The following VPS13B variants were observed in gnomAD, a reference collection of about 807,000 sequenced individuals.
VPS13B encodes intermembrane lipid transfer protein VPS13B.
A neutral mutation model predicts 426.4 loss-of-function variants in VPS13B; 285 were observed. That is an observed-to-expected ratio of 0.67 (90% CI 0.61 to 0.74). The LOEUF is 0.74. Ranked by LOEUF, VPS13B falls within the 30% of genes least tolerant of loss-of-function variation. VPS13B has a pLI of 0.00. For synonymous variants in VPS13B, 1,676 were observed against 1,676.4 expected, an observed-to-expected ratio of 1.00 and a Z score of 0.01; for missense variants, 4,537 against 4,782.6, an observed-to-expected ratio of 0.95 and a Z score of 1.51.
intron 34 of VPS13B, among the ~76,000 whole-genome samples, chr8:99,659,587 A>T (rs1477577518): frequency 1.3e-5 from 2 of 152,210 alleles, no homozygotes; most frequent in African/African-American, 4.8e-5. Flanking sequence ...TTCTAGAAAA[A>T]TGTAGAAAGT....
intron 16 of VPS13B, among the ~76,000 whole-genome samples, chr8:99,190,336 A>G (rs984259817): frequency 6.6e-6 from 1 of 150,488 alleles, no homozygotes; most frequent in African/African-American, 2.4e-5. Context: ...GTGGATATAT[A>G]TGGGTCTTTT....
intron 17 of VPS13B, among the ~76,000 whole-genome samples, chr8:99,220,082 A>T (rs1050233323): frequency 3.3e-5 from 5 of 152,202 alleles, no homozygotes; most frequent in Non-Finnish European, 5.9e-5. Flanking sequence ...AAAAAAGTGT[A>T]AGAATTGGTA....
chr8:99,356,019 C>T (rs923999884), intron 19 of VPS13B, among the ~76,000 whole-genome samples: 1 of 152,138 alleles, frequency 6.6e-6, no homozygotes, highest in Admixed American at 6.5e-5. Context: ...CACGTCATAT[C>T]ATTGTATCTG....
At chr8:99,654,018 G>GGATGAT (rs200076337) in intron 34 of VPS13B, among the ~76,000 whole-genome samples, 5 of 150,616 alleles carry the variant, frequency 3.3e-5, no homozygotes, top group African/African-American at 1.2e-4. Context: ...TCCTGACATT[G>GGATGAT]GATGATGATG....
chr8:99,107,035 A>G (rs558965314), intron 5 of VPS13B, among the ~76,000 whole-genome samples: 1 of 152,334 alleles, frequency 6.6e-6, no homozygotes, highest in African/African-American at 2.4e-5. Flanking sequence ...TCTGTTGGGT[A>G]TATGCCTAGG....
chr8:99,652,616 CA>C (rs1277883445), intron 34 of VPS13B, among the ~76,000 whole-genome samples: 1 of 151,682 alleles, frequency 6.6e-6, no homozygotes, highest in Non-Finnish European at 1.5e-5. Flanking sequence ...AGTAAACGAA[CA>C]GTTGAAAAAT....
intron 31 of VPS13B, among the ~76,000 whole-genome samples, chr8:99,559,644 C>A (rs756856892): frequency 6.6e-6 from 1 of 152,158 alleles, no homozygotes; most frequent in Non-Finnish European, 1.5e-5. Flanking sequence ...GTTTTCCCAG[C>A]ACCATTTATT....
intron 19 of VPS13B, among the ~76,000 whole-genome samples, chr8:99,358,707 C>G (rs1405191058): frequency 1.3e-5 from 2 of 152,148 alleles, no homozygotes; most frequent in Non-Finnish European, 2.9e-5. Flanking sequence ...GAATAGCAGA[C>G]AGTTATGAGA....
At chr8:99,523,112 T>C (rs532250310) in intron 30 of VPS13B, among the ~76,000 whole-genome samples, 6 of 152,264 alleles carry the variant, frequency 3.9e-5, no homozygotes, top group Non-Finnish European at 5.9e-5. Flanking sequence ...AGTATATTAG[T>C]GGTTGCCAGG....
At chr8:99,477,664 G>C (rs920538254) in intron 24 of VPS13B, among the ~76,000 whole-genome samples, 7 of 152,198 alleles carry the variant, frequency 4.6e-5, no homozygotes, top group African/African-American at 1.7e-4. Flanking sequence ...TGCCTAGATA[G>C]AGTACCTTCA....
chr8:99,430,061 A>G (rs191655378), intron 21 of VPS13B, among the ~76,000 whole-genome samples: 8 of 152,302 alleles, frequency 5.3e-5, no homozygotes, highest in South Asian at 2.1e-4. Context: ...TCTGACTACT[A>G]TAATGCTCTG....
intron 35 of VPS13B, among the ~76,000 whole-genome samples, chr8:99,693,314 G>A (rs1269667457): frequency 2.7e-5 from 4 of 150,160 alleles, no homozygotes; most frequent in South Asian, 2.1e-4. Flanking sequence ...CTGGCAAACC[G>A]AATCCAGCAG....
At chr8:99,713,630 C>G (rs576104948) in intron 36 of VPS13B, among the ~76,000 whole-genome samples, 1 of 152,260 alleles carries the variant, frequency 6.6e-6, no homozygotes, top group African/African-American at 2.4e-5. Context: ...GCTATACATA[C>G]ATATACTTCT....
At chr8:99,289,477 G>A (rs745719912) in intron 19 of VPS13B, among the ~76,000 whole-genome samples, 2 of 152,058 alleles carry the variant, frequency 1.3e-5, no homozygotes, top group Non-Finnish European at 2.9e-5. Context: ...TATGGTTAGT[G>A]TTACTTTGGG....
chr8:99,107,896 G>C (rs780938555), intron 5 of VPS13B, among the ~76,000 whole-genome samples: 1 of 152,136 alleles, frequency 6.6e-6, no homozygotes, highest in Non-Finnish European at 1.5e-5. Context: ...TCTGTTACTT[G>C]GGTAAATTGC....
intron 23 of VPS13B, among the ~76,000 whole-genome samples, chr8:99,459,840 C>A (rs908432114): frequency 6.6e-6 from 1 of 151,896 alleles, no homozygotes; most frequent in African/African-American, 2.4e-5. Context: ...AAAGTTGACC[C>A]TGTTTATTAT....
chr8:99,703,000 T>G (rs539692652), intron 36 of VPS13B, among the ~76,000 whole-genome samples: 1 of 152,282 alleles, frequency 6.6e-6, no homozygotes, highest in Admixed American at 6.5e-5. Context: ...ATTATATGTT[T>G]TTATCATCTA....
intron 17 of VPS13B, among the ~76,000 whole-genome samples, chr8:99,225,668 T>G (rs1184428180): frequency 1.3e-5 from 2 of 152,248 alleles, no homozygotes; most frequent in African/African-American, 4.8e-5. Context: ...TATTTCTTCC[T>G]GCTAAACCTT....
intron 21 of VPS13B, among the ~76,000 whole-genome samples, chr8:99,428,588 C>T (rs1047382997): frequency 1.3e-5 from 2 of 152,112 alleles, no homozygotes; most frequent in Admixed American, 6.5e-5. Context: ...AGTGAGATAC[C>T]ATCTCACACC....
Sources: allele counts gnomAD v4.1 joint callset (sites outside exome capture counted in the v4.1 genomes callset), GRCh38; gene constraint gnomAD v4.1.1; transcripts MANE v1.5; gene names NCBI Gene and HGNC (gene_info 2026-07-23, HGNC 2026-07-21).